Variants in PACSIN3 observed in about 807,000 individuals in gnomAD.
PACSIN3 encodes the protein protein kinase C and casein kinase substrate in neurons protein 3.
Under a neutral mutation model 56.1 loss-of-function variants are expected in PACSIN3, and 34 were observed. The ratio of observed to expected loss-of-function variants is 0.61; its 90% CI spans 0.46 to 0.81. The LOEUF (loss-of-function observed/expected upper bound fraction) is 0.81, where lower values mean the gene tolerates loss of function less well. Ranked by LOEUF, PACSIN3 falls within the 30% of genes least tolerant of loss-of-function variation. The pLI is 0.00. For missense variants in PACSIN3, 535 were observed against 592.4 expected (o/e 0.90, Z 1.01); for synonymous variants, 218 against 229.8 (o/e 0.95, Z 0.46).
In PACSIN3 at chr11:47,182,535, G is replaced by A; in HGVS notation, c.79C>T (p.Gln27Ter). ...WEAGNYRRTVQRVEDGHRLCG... is the reference protein window; with the variant it reads ...WEAGNYRRTV ...AGCCGGTGCCCGTCCTCCACCCGCT[G>A]TACCGTGCGCCTGTAGTTGCCAGCC... Residue 27 changes from glutamine to a stop codon, truncating the protein, a stop_gained, in exon 4 of 11, where the codon CAG becomes TAG. Transcript: ENST00000298838. LOFTEE classifies it high-confidence loss of function. 1 of 1,612,920 alleles carries A rather than the reference G, an allele frequency of 6.2e-7. No homozygotes were observed. The highest frequency in any genetic ancestry group is 8.5e-7 in the Non-Finnish European group (1 of 1,179,514).
In PACSIN3 at chr11:47,178,475, ATCCTGCCCCGTGCTGGAGAGGGGAGGC is replaced by A. The variant is rs1250169375; in HGVS notation, c.1038-15_1049del. On this transcript the variant is annotated splice_acceptor_variant and splice_polypyrimidine_tract_variant and coding_sequence_variant and intron_variant, in exon 10 of 11. Transcript: ENST00000298838. LOFTEE classifies it high-confidence loss of function. The surrounding 1 kb of genome is among the most constrained non-coding windows in gnomAD (Gnocchi z 4.2). ...GACTCTCTTCATCTGACCACTCCTCATCCTGCCCCGTGCTGGAGAGGGGAGGCAAAGGGAGCAGCTCAGAGTGCAAGG... is the reference window on the plus strand; with the variant it reads ...GACTCTCTTCATCTGACCACTCCTCAAAAGGGAGCAGCTCAGAGTGCAAGG... 6 of 1,613,668 alleles carry A rather than the reference ATCCTGCCCCGTGCTGGAGAGGGGAGGC, an allele frequency of 3.7e-6. No individual in the cohort carries two copies. Among genetic ancestry groups the A allele is most frequent in the Non-Finnish European group, 4.2e-6 (5 of 1,179,948 alleles).
chr11:47,185,573 G>A (rs1953105412), intron 1 of PACSIN3: 2 of 154,406 alleles, frequency 1.3e-5, no homozygotes, highest in East Asian at 1.9e-4. Context: ...GGAGGGGGTG[G>A]CGCAGCCAAA....
chr11:47,182,559 C>G lies in PACSIN3; in HGVS notation c.55G>C (p.Ala19Pro), dbSNP rs1565140790. ...TGTACCGTGCGCCTGTAGTTGCCAG[C>G]CTGGGCATACAGGAAAAGGGTGCCA... ...GEALGGSFWE[A>P]GNYRRTVQRV... The change falls in exon 4 of 11, where the codon GCT becomes CCT. Residue 19 changes from alanine (A) to proline (P), a missense_variant and splice_region_variant. Physicochemically the swap from Ala to Pro is conservative, Grantham distance 27 (BLOSUM62 -1). Transcript: ENST00000298838. The G allele has an allele frequency of 6.2e-7, 1 of 1,609,268 alleles. No individual in the cohort carries two copies. Among genetic ancestry groups the G allele is most frequent in the Non-Finnish European group, 8.5e-7 (1 of 1,176,580 alleles).
intron 1 of PACSIN3, among the ~76,000 whole-genome samples, chr11:47,184,676 G>T (rs543517203): frequency 7.9e-5 from 12 of 152,338 alleles, no homozygotes; most frequent in Admixed American, 3.3e-4. Context: ...CCCACCAGGG[G>T]CCTCACAAGC....
intron 4 of PACSIN3, 152 bp from the exon 5 acceptor site, chr11:47,180,842 AC>A: frequency 1.6e-6 from 1 of 631,372 alleles, no homozygotes; most frequent in Non-Finnish European, 2.7e-6. Flanking sequence ...TTGAATGAGG[AC>A]CATGTGCCTT....
At chr11:47,182,375 C>T (rs1953042011) in intron 4 of PACSIN3, 28 bp downstream of exon 4, 4 of 1,581,380 alleles carry the variant, frequency 2.5e-6, no homozygotes, top group Admixed American at 1.7e-5. Flanking sequence ...CTCAGCTGCC[C>T]TCTGCCCCCT....
At position 47,180,437 on chromosome 11, in the gene PACSIN3, T is replaced by G; in HGVS notation, c.447+18A>C. On this transcript the variant is annotated intron_variant, in intron 5 of 10. Coordinates refer to ENST00000298838, the MANE Select transcript of PACSIN3 (RefSeq NM_016223.5). Reference sequence around the variant, plus strand: ...CAGGAAGGAGCCTGTCTCGGATACCTCCCCCACCCAGCCTCACCTCCTTCA... The same window carrying G: ...CAGGAAGGAGCCTGTCTCGGATACCGCCCCCACCCAGCCTCACCTCCTTCA... 6.3e-7 allele frequency: 1 copy of G among 1,590,258 alleles called. No individual in the cohort carries two copies. Among genetic ancestry groups the G allele is most frequent in the Non-Finnish European group, 8.5e-7 (1 of 1,170,362 alleles).
intron 1 of PACSIN3, among the ~76,000 whole-genome samples, chr11:47,184,921 G>C (rs1322807045): frequency 1.3e-5 from 2 of 151,794 alleles, no homozygotes; most frequent in Non-Finnish European, 2.9e-5. Flanking sequence ...TGTGTGTACC[G>C]GGCTGGCACA....
In PACSIN3 at chr11:47,180,173, C is replaced by CTG. The variant is rs779710697; in HGVS notation, c.603+11_603+12dup. Reference sequence around the variant, plus strand: ...CCTGGGCGGGGGCCAGGGCTGGGACCTGTGGCCTGTACCTTCTCGGCCTCC... The same window carrying CTG: ...CCTGGGCGGGGGCCAGGGCTGGGACCTGTGTGGCCTGTACCTTCTCGGCCTCC... On this transcript the variant is annotated intron_variant, in intron 6 of 10. Transcript: ENST00000298838. 1 of 1,600,842 alleles carries CTG rather than the reference C, an allele frequency of 6.2e-7. No individual in the cohort carries two copies. Among genetic ancestry groups the CTG allele is most frequent in the South Asian group, 1.1e-5 (1 of 91,056 alleles).
In PACSIN3 at chr11:47,178,113, A is replaced by G; in HGVS notation, c.1160-67T>C. ...AGGCCCTGTTCCTGCAACTGGGTCAAGGACTGAGGGGGATGGTGTGGTCCC... is the reference window on the plus strand; with the variant it reads ...AGGCCCTGTTCCTGCAACTGGGTCAGGGACTGAGGGGGATGGTGTGGTCCC... On this transcript the variant is annotated intron_variant, in intron 10 of 10. Coordinates refer to ENST00000298838, the MANE Select transcript of PACSIN3 (RefSeq NM_016223.5). This position sits in a 1 kb window ranked among gnomAD's most constrained non-coding sequence, Gnocchi z 4.2. The G allele has an allele frequency of 7.2e-7, 1 of 1,397,432 alleles. No homozygotes were observed. Among genetic ancestry groups the G allele is most frequent in the Non-Finnish European group, 1.0e-6 (1 of 998,584 alleles). The allele number at this position is 1,397,432 out of a possible 1,614,324, so 86.6% of individuals were successfully genotyped here.
At chr11:47,183,122 G>A (rs756386265) in intron 1 of PACSIN3, 53 bp from the exon 2 acceptor site, 11 of 173,678 alleles carry the variant, frequency 6.3e-5, no homozygotes, top group Admixed American at 5.1e-4. Flanking sequence ...CGTCCAGGGC[G>A]GTGCCCGGCA....
In PACSIN3 at chr11:47,179,162, G is replaced by A. The variant is rs543891568; in HGVS notation, c.897C>T (p.Phe299=). 1.6e-5 allele frequency: 26 copies of A among 1,613,522 alleles called. No homozygotes were observed. Among genetic ancestry groups the A allele is most frequent in the Non-Finnish European group, 1.9e-5 (22 of 1,180,016 alleles). The change falls in exon 8 of 11, where the codon TTC becomes TTT. Residue 299 remains phenylalanine, a synonymous_variant. Transcript: ENST00000298838. This position sits in a 1 kb window ranked among gnomAD's most constrained non-coding sequence, Gnocchi z 4.4. ...CCACCCCGCCTGGAACACATGCCTC[G>A]AACTGTGGCCAGTTCATGGCCATGC... ...GPGMAMNWPQ[F]EEWSLDTQRT...
rs1565137039 is a variant in PACSIN3, at chr11:47,178,025, CTCA to C, written c.1178_1180del (p.Met393del). 6.2e-7 allele frequency: 1 copy of C among 1,613,956 alleles called. No individual in the cohort carries two copies. Among genetic ancestry groups the C allele is most frequent in the Admixed American group, 1.7e-5 (1 of 60,016 alleles). On this transcript the variant is annotated inframe_deletion, in exon 11 of 11. Transcript: ENST00000298838. The surrounding 1 kb of genome is among the most constrained non-coding windows in gnomAD (Gnocchi z 4.2). Reference sequence around the variant, plus strand: ...GCACCAGCCCTGCTCGTCCTCCTCACTCATCTTCAGCAGCTCCTCCCCTGGGGG... The same window carrying C: ...GCACCAGCCCTGCTCGTCCTCCTCACTCTTCAGCAGCTCCTCCCCTGGGGG...
In PACSIN3 at chr11:47,178,823, AC is replaced by A; in HGVS notation, c.1037+70del. 1 of 1,576,166 alleles carries A rather than the reference AC, an allele frequency of 6.3e-7. No individual in the cohort carries two copies. The highest frequency in any genetic ancestry group is 8.6e-7 in the Non-Finnish European group (1 of 1,156,082). ...CCATTTCAGGTGTGAAAGAAATGAA[AC>A]CAAGGAGAAAGGAAAGGAGGGCGGG... On this transcript the variant is annotated intron_variant, in intron 9 of 10. Coordinates refer to ENST00000298838, the MANE Select transcript of PACSIN3 (RefSeq NM_016223.5). The surrounding 1 kb of genome is among the most constrained non-coding windows in gnomAD (Gnocchi z 4.2).
In PACSIN3 at chr11:47,179,532, A is replaced by G; in HGVS notation, c.658T>C (p.Tyr220His). 6.2e-7 allele frequency: 1 copy of G among 1,613,834 alleles called. No individual in the cohort carries two copies. Residue 220 changes from tyrosine to histidine, a missense_variant, in exon 7 of 11, where the codon TAC becomes CAC. Physicochemically the swap from Tyr to His is moderately conservative, Grantham distance 83 (BLOSUM62 2). Coordinates refer to ENST00000298838, the MANE Select transcript of PACSIN3 (RefSeq NM_016223.5). The surrounding 1 kb of genome is among the most constrained non-coding windows in gnomAD (Gnocchi z 4.4). Reference protein sequence around the residue: ...LAELHRYTPRYMEDMEQAFET... With the variant: ...LAELHRYTPRHMEDMEQAFET... ...AAGGCCTGTTCCATGTCCTCCATGT[A>G]GCGTGGAGTGTAGCGATGCAGCTCT...
Position 47,178,544 on chromosome 11 carries a change from T to G in PACSIN3, c.1038-57A>C. Reference sequence around the variant, plus strand: ...AGTGCAAGGAACACGGGGCTGGAGATCTCACCCAGGATCAGGGCAAAGGCC... The same window carrying G: ...AGTGCAAGGAACACGGGGCTGGAGAGCTCACCCAGGATCAGGGCAAAGGCC... On this transcript the variant is annotated intron_variant, in intron 9 of 10. Coordinates refer to ENST00000298838, the MANE Select transcript of PACSIN3 (RefSeq NM_016223.5). The surrounding 1 kb of genome is among the most constrained non-coding windows in gnomAD (Gnocchi z 4.2). The G allele has an allele frequency of 6.3e-7, 1 of 1,587,784 alleles. No homozygotes were observed. Among genetic ancestry groups the G allele is most frequent in the South Asian group, 1.1e-5 (1 of 88,736 alleles).
Position 47,180,162 on chromosome 11 carries a change from AGGGCTGGGACCTGT to A in PACSIN3, c.603+10_603+23del. On this transcript the variant is annotated intron_variant, in intron 6 of 10. Transcript: ENST00000298838. ...GGAAGCCGTGCCCTGGGCGGGGGCCAGGGCTGGGACCTGTGGCCTGTACCTTCTCGGCCTCCTTG... is the reference window on the plus strand; with the variant it reads ...GGAAGCCGTGCCCTGGGCGGGGGCCAGGCCTGTACCTTCTCGGCCTCCTTG... 6.3e-7 allele frequency: 1 copy of A among 1,595,204 alleles called. No homozygotes were observed. Among genetic ancestry groups the A allele is most frequent in the Non-Finnish European group, 8.5e-7 (1 of 1,175,170 alleles).
Position 47,178,093 on chromosome 11 carries a change from C to A in PACSIN3, c.1160-47G>T. The stretch of plus-strand genomic sequence containing the variant: ...ACTGCCAGTGGCCCTGGCCCAGGCC[C>A]TGTTCCTGCAACTGGGTCAAGGACT... On this transcript the variant is annotated intron_variant, in intron 10 of 10. Transcript: ENST00000298838. This position sits in a 1 kb window ranked among gnomAD's most constrained non-coding sequence, Gnocchi z 4.2. 6.6e-7 allele frequency: 1 copy of A among 1,520,970 alleles called. No homozygotes were observed. The highest frequency in any genetic ancestry group is 2.3e-5 in the East Asian group (1 of 43,368). The allele number at this position is 1,520,970 out of a possible 1,614,324, so 94.2% of individuals were successfully genotyped here. A position where few individuals can be genotyped will look rare whatever the true frequency, so the allele number is the denominator to read the frequency against.
intron 1 of PACSIN3, among the ~76,000 whole-genome samples, chr11:47,183,474 A>G (rs1018569064): frequency 6.6e-6 from 1 of 152,176 alleles, no homozygotes; most frequent in African/African-American, 2.4e-5. Flanking sequence ...GTCTCCTCCT[A>G]AGGAGGCCCC....
Sources: gnomAD v4.1 joint callset for allele counts (sites outside exome capture counted in the v4.1 genomes callset) on GRCh38, gnomAD v4.1.1 for gene constraint, Gnocchi (gnomAD v3.1) non-coding constraint, MANE v1.5 for transcripts, NCBI Gene and HGNC (gene_info 2026-07-23, HGNC 2026-07-21) for gene names.